The following PLPPR1 variants were observed in gnomAD, a reference collection of about 807,000 sequenced individuals.
PLPPR1 encodes the protein phospholipid phosphatase related 1, also known as phospholipid phosphatase-related protein type 1.
A neutral mutation model predicts 33.1 loss-of-function variants in PLPPR1; 10 were observed. The ratio of observed to expected loss-of-function variants is 0.30; its 90% confidence interval spans 0.19 to 0.51. PLPPR1 has a LOEUF of 0.51. Among genes scored for constraint, PLPPR1 ranks in the 20% least tolerant of loss-of-function variants. The pLI, the probability that PLPPR1 is intolerant of heterozygous loss-of-function variation, is 0.97. For missense variants in PLPPR1, 304 were observed against 408.1 expected, an observed-to-expected ratio of 0.74 and a Z score of 2.20; for synonymous variants, 151 against 151.0, an observed-to-expected ratio of 1.00 and a Z score of 0.00.
chr9:101,241,427 T>G (rs1271168693), intron 2 of PLPPR1, among the ~76,000 whole-genome samples: 1 of 152,046 alleles, frequency 6.6e-6, no homozygotes, highest in Non-Finnish European at 1.5e-5. Flanking sequence ...TGATGAGCTT[T>G]GAAAAAAATC....
chr9:101,314,593 C>A (rs1218441659), intron 6 of PLPPR1, among the ~76,000 whole-genome samples: 2 of 149,558 alleles, frequency 1.3e-5, no homozygotes, highest in African/African-American at 2.5e-5. Flanking sequence ...TGTGCAATAG[C>A]ATTATGTCTA....
chr9:101,211,257 T>C (rs955931470), intron 2 of PLPPR1, among the ~76,000 whole-genome samples: 1 of 152,182 alleles, frequency 6.6e-6, no homozygotes, highest in Non-Finnish European at 1.5e-5. Flanking sequence ...AACCGGGCCT[T>C]GGTGTTCTCA....
intron 2 of PLPPR1, among the ~76,000 whole-genome samples, chr9:101,229,557 A>G (rs1827140850): frequency 6.6e-6 from 1 of 152,118 alleles, no homozygotes; most frequent in African/African-American, 2.4e-5. Context: ...TCATGATTTC[A>G]TGCTGTATTT....
chr9:101,322,164 C>G (rs1212072348), intron 7 of PLPPR1, among the ~76,000 whole-genome samples: 1 of 125,190 alleles, frequency 8.0e-6, no homozygotes, highest in Non-Finnish European at 1.6e-5. Context: ...TACCTTTGCA[C>G]TCCAGCCTGG....
At chr9:101,313,348 T>C (rs1445771447) in intron 6 of PLPPR1, among the ~76,000 whole-genome samples, 1 of 152,142 alleles carries the variant, frequency 6.6e-6, no homozygotes, top group African/African-American at 2.4e-5. Context: ...TAAGTGTTCC[T>C]TGAGGGAAGA....
chr9:101,118,420 G>A (rs889064820), intron 1 of PLPPR1, among the ~76,000 whole-genome samples: 1 of 152,184 alleles, frequency 6.6e-6, no homozygotes, highest in African/African-American at 2.4e-5. Context: ...AAGAGGTGAC[G>A]AGAAATTGAG....
chr9:101,218,824 A>G (rs1179599756), intron 2 of PLPPR1, among the ~76,000 whole-genome samples: 1 of 152,238 alleles, frequency 6.6e-6, no homozygotes, highest in Non-Finnish European at 1.5e-5. Flanking sequence ...AAAGACTATT[A>G]TAAAGATTTC....
chr9:101,316,335 G>C (rs901042153), intron 6 of PLPPR1, among the ~76,000 whole-genome samples: 7 of 152,026 alleles, frequency 4.6e-5, no homozygotes, highest in African/African-American at 9.7e-5. Context: ...TACTCGGGAG[G>C]CTGAGGCAGG....
chr9:101,185,430 G>A lies in PLPPR1; in HGVS notation c.-45-20G>A. On this transcript the variant is annotated intron_variant, in intron 1 of 7. Coordinates refer to ENST00000374874, the MANE Select transcript of PLPPR1 (RefSeq NM_207299.2). ...TCTCAATATATGGTTCTTATACTAT[G>A]CAACCTATTTCTATTTCAGCCTGGA... 1 of 958,638 alleles carries A rather than the reference G, an allele frequency of 1.0e-6. No individual in the cohort carries two copies. Among genetic ancestry groups the A allele is most frequent in the Non-Finnish European group, 1.7e-6 (1 of 599,678 alleles). The allele number at this position is 958,638 out of a possible 1,614,324, so 59.4% of individuals were successfully genotyped here. A position where few individuals can be genotyped will look rare whatever the true frequency, so the allele number is the denominator to read the frequency against.
At chr9:101,158,480 C>A (rs1831727361) in intron 1 of PLPPR1, among the ~76,000 whole-genome samples, 1 of 152,232 alleles carries the variant, frequency 6.6e-6, no homozygotes, top group Admixed American at 6.5e-5. Context: ...CAAATAGTTT[C>A]TTTGGTAAGC....
At chr9:101,319,326 G>A (rs532153196) in intron 7 of PLPPR1, among the ~76,000 whole-genome samples, 8 of 152,252 alleles carry the variant, frequency 5.3e-5, no homozygotes, top group African/African-American at 7.2e-5. Flanking sequence ...ACAGGCACGC[G>A]CCACCACGCC....
intron 2 of PLPPR1, among the ~76,000 whole-genome samples, chr9:101,226,440 C>T (rs965130260): frequency 6.6e-5 from 10 of 152,134 alleles, no homozygotes; most frequent in Non-Finnish European, 1.3e-4. Context: ...AACCACCATA[C>T]ACTGGGTGGC....
rs117766419 is a variant in PLPPR1, at chr9:101,301,705, G to A, written c.386-7506G>A. Among the ~76,000 whole-genome samples, 140 of 152,166 alleles carry A rather than the reference G, an allele frequency of 9.2e-4. 1 individual carries two copies. The East Asian group carries it at 0.024, about 26-fold the overall frequency. ...TTATTTTTGAAGCACAATATATAGG[G>A]CATATGGATCAATTGCACCGAATGT... On this transcript the variant is annotated intron_variant, in intron 4 of 7. Transcript: ENST00000374874.
chr9:101,096,820 C>A (rs1423359706), intron 1 of PLPPR1, among the ~76,000 whole-genome samples: 1 of 152,096 alleles, frequency 6.6e-6, no homozygotes, highest in African/African-American at 2.4e-5. Context: ...ATCCCAGCAC[C>A]TTGAGAGGCT....
chr9:101,285,322 C>G (rs113323960), intron 3 of PLPPR1, among the ~76,000 whole-genome samples: 1 of 151,144 alleles, frequency 6.6e-6, no homozygotes, highest in Admixed American at 6.6e-5. Flanking sequence ...GGCTTCTAAT[C>G]TACCTAAGGG....
intron 1 of PLPPR1, among the ~76,000 whole-genome samples, chr9:101,100,418 T>C (rs1311646662): frequency 2.0e-5 from 3 of 152,130 alleles, no homozygotes; most frequent in Non-Finnish European, 2.9e-5. Flanking sequence ...TTTATTTTTA[T>C]TTGTGAAAAA....
chr9:101,276,666 C>T (rs182578673), intron 3 of PLPPR1, among the ~76,000 whole-genome samples: 3 of 152,332 alleles, frequency 2.0e-5, no homozygotes, highest in East Asian at 1.9e-4. Context: ...CTTGTATTCA[C>T]TGTTCAGATA....
intron 1 of PLPPR1, among the ~76,000 whole-genome samples, chr9:101,075,157 A>C (rs1190139054): frequency 1.3e-5 from 2 of 152,172 alleles, no homozygotes; most frequent in Non-Finnish European, 2.9e-5. Context: ...TTGGGTTGAA[A>C]ACTGAATTTT....
intron 1 of PLPPR1, among the ~76,000 whole-genome samples, chr9:101,166,812 C>T (rs1011905107): frequency 6.6e-6 from 1 of 151,990 alleles, no homozygotes; most frequent in Non-Finnish European, 1.5e-5. Flanking sequence ...GGTTTAGCCC[C>T]ACTATGCACA....
Sources: gnomAD v4.1 joint callset for allele counts (sites outside exome capture counted in the v4.1 genomes callset) on GRCh38, gnomAD v4.1.1 for gene constraint, MANE v1.5 for transcripts, NCBI Gene and HGNC (gene_info 2026-07-23, HGNC 2026-07-21) for gene names.